The following ZNF407 variants were observed in gnomAD, a reference collection of about 807,000 sequenced individuals.
ZNF407 encodes the protein zinc finger protein 407.
In ZNF407, 17 loss-of-function variants were observed where a neutral mutation model predicts 131.2. The observed-to-expected ratio is 0.13, with a 90% CI of 0.09 to 0.19. The LOEUF (loss-of-function observed/expected upper bound fraction) is 0.19. Ranked by LOEUF, ZNF407 falls within the 10% of genes least tolerant of loss-of-function variation. The pLI, the probability that ZNF407 is intolerant of heterozygous loss-of-function variation, is 1.00. For missense variants in ZNF407, 2,681 were observed against 2,830.6 expected (o/e 0.95, Z 1.20); for synonymous variants, 1,156 against 1,062.0 (o/e 1.09, Z -1.72).
rs939876334 is a variant in ZNF407 at position 74,778,224 on chromosome 18, C to T, written c.4803-3204C>T. ...TGTCCTCCTCCTCACTTACCAGCCC[C>T]CAGGTTTATGCTCCCACATCACATC... On this transcript the variant is annotated intron_variant, in intron 3 of 8. Coordinates refer to ENST00000299687, the MANE Select transcript of ZNF407 (RefSeq NM_017757.3). 7.2e-5 allele frequency among the ~76,000 whole-genome samples: 11 copies of T among 152,104 alleles called. 1 individual carries two copies. In the South Asian group the frequency reaches 8.3e-4, roughly 11 times the overall value.
At chr18:74,761,852 A>G (rs1969103123) in intron 3 of ZNF407, among the ~76,000 whole-genome samples, 1 of 152,198 alleles carries the variant, frequency 6.6e-6, no homozygotes, top group Non-Finnish European at 1.5e-5. Context: ...ACAATACCAA[A>G]TAAAATGGGA....
chr18:74,676,640 T>C (rs566514827), intron 3 of ZNF407, among the ~76,000 whole-genome samples: 91 of 151,936 alleles, frequency 6.0e-4, no homozygotes, highest in Non-Finnish European at 9.4e-4. Context: ...TTCACCGTGT[T>C]AGCCAGGATG....
At position 74,889,067 on chromosome 18, in the gene ZNF407, G is replaced by C. The variant is rs544943171; in HGVS notation, c.5129-851G>C. Among the ~76,000 whole-genome samples, 3 of 152,256 alleles carry C rather than the reference G, an allele frequency of 2.0e-5. No homozygotes were observed. The South Asian group carries it at 6.2e-4, about 32-fold the overall frequency. ...TTTAGTTATACAGATACTTGTTACTGTGTTACAGTTGCCTACAGTATTTAG... is the reference window on the plus strand; with the variant it reads ...TTTAGTTATACAGATACTTGTTACTCTGTTACAGTTGCCTACAGTATTTAG... On this transcript the variant is annotated intron_variant, in intron 6 of 8. Transcript: ENST00000299687.
chr18:74,808,838 A>G (rs536447935), intron 4 of ZNF407, among the ~76,000 whole-genome samples: 11 of 152,346 alleles, frequency 7.2e-5, no homozygotes, highest in Non-Finnish European at 1.5e-5. Flanking sequence ...TACCCAATAA[A>G]AAAGCTAATG....
In ZNF407 at chr18:74,631,795, T is replaced by C; in HGVS notation, c.776T>C (p.Leu259Ser). Reference sequence around the variant, plus strand: ...TTTCAGTGTTCAGAAGAAAACTTGTTGAATGCACATTATCTTGGCAAAACA... The same window carrying C: ...TTTCAGTGTTCAGAAGAAAACTTGTCGAATGCACATTATCTTGGCAAAACA... Reference protein sequence around the residue: ...CGFQCSEENLLNAHYLGKTHL... With the variant: ...CGFQCSEENLSNAHYLGKTHL... Residue 259 changes from leucine (L) to serine (S), a missense_variant, in exon 2 of 9, where the codon TTG (leucine) becomes TCG (serine). By Grantham distance (145) the Leu-to-Ser change is moderately radical. Coordinates refer to ENST00000299687, the MANE Select transcript of ZNF407 (RefSeq NM_017757.3). 6.2e-7 allele frequency: 1 copy of C among 1,614,046 alleles called. No homozygotes were observed. Among genetic ancestry groups the C allele is most frequent in the African/African-American group, 1.3e-5 (1 of 75,054 alleles).
In ZNF407 at chr18:74,726,407, A is replaced by G. The variant is rs548349437; in HGVS notation, c.4803-55021A>G. Among the ~76,000 whole-genome samples, 6 of 152,368 alleles carry G rather than the reference A, an allele frequency of 3.9e-5. No individual in the cohort carries two copies. In the South Asian group the frequency reaches 1.2e-3, roughly 32 times the overall value. On this transcript the variant is annotated intron_variant, in intron 3 of 8. Transcript: ENST00000299687. ...TCATGAGAGCCAATAAGTTATGCCT[A>G]ATATACTATGCATGGAAGGAATAAC...
At chr18:74,896,688 C>G (rs545209419) in intron 7 of ZNF407, among the ~76,000 whole-genome samples, 58 of 152,306 alleles carry the variant, frequency 3.8e-4, no homozygotes, top group Non-Finnish European at 5.3e-4. Flanking sequence ...GTCATGATGA[C>G]ACTTTATACC....
intron 3 of ZNF407, among the ~76,000 whole-genome samples, chr18:74,730,780 T>A (rs1362971231): frequency 3.3e-5 from 5 of 152,206 alleles, no homozygotes; most frequent in African/African-American, 1.2e-4. Flanking sequence ...GAAAGAATGA[T>A]GTATTATATA....
At chr18:74,627,823 C>T (rs1219997882) in intron 1 of ZNF407, among the ~76,000 whole-genome samples, 3 of 147,566 alleles carry the variant, frequency 2.0e-5, no homozygotes, top group Non-Finnish European at 4.5e-5. Context: ...TCTGCCCTGC[C>T]CTGCCCTGCC....
chr18:74,874,133 T>C (rs895615001), intron 4 of ZNF407, among the ~76,000 whole-genome samples: 1 of 152,158 alleles, frequency 6.6e-6, no homozygotes, highest in African/African-American at 2.4e-5. Context: ...ACCTAAGAAC[T>C]GCAGATGGTA....
In ZNF407 at chr18:75,064,286, A is replaced by G. The variant is rs1406761127; in HGVS notation, c.6565A>G (p.Thr2189Ala). 1 of 1,604,276 alleles carries G rather than the reference A, an allele frequency of 6.2e-7. No individual in the cohort carries two copies. The highest frequency in any genetic ancestry group is 1.7e-5 in the Admixed American group (1 of 59,592). ...VQDEPGLYSH[T>A]VLETADSQEL... ...GGACGAGCCGGGCCTGTACTCCCAC[A>G]CCGTGCTGGAGACTGCGGACTCGCA... The change falls in exon 9 of 9, where the codon ACC becomes GCC. Residue 2189 changes from threonine (T) to alanine (A), a missense_variant. Thr to Ala is a moderately conservative substitution (Grantham distance 58, BLOSUM62 0). Around this residue, in one of 6 missense-constraint regions of ZNF407, gnomAD observed 620 missense variants for 583.1 expected, o/e 1.06. Coordinates refer to ENST00000299687, the MANE Select transcript of ZNF407 (RefSeq NM_017757.3).
chr18:74,651,354 A>G (rs755647486), intron 3 of ZNF407, among the ~76,000 whole-genome samples: 1 of 152,212 alleles, frequency 6.6e-6, no homozygotes, highest in African/African-American at 2.4e-5. Flanking sequence ...TTAAAATTGC[A>G]GTACTTGCTT....
chr18:74,708,682 C>A (rs1012622896), intron 3 of ZNF407, among the ~76,000 whole-genome samples: 1 of 152,214 alleles, frequency 6.6e-6, no homozygotes, highest in Non-Finnish European at 1.5e-5. Context: ...AGGTCCAAGT[C>A]AGGCCAGGAA....
intron 8 of ZNF407, among the ~76,000 whole-genome samples, chr18:75,052,733 G>A (rs149016898): frequency 5.3e-5 from 8 of 152,284 alleles, no homozygotes; most frequent in East Asian, 1.9e-4. Flanking sequence ...ACTTGTTCAC[G>A]TCACCATTCC....
rs117044929 is a variant in ZNF407, at chr18:74,802,036, C to T, written c.4877+20534C>T. Among the ~76,000 whole-genome samples the T allele has an allele frequency of 8.4e-4, 128 of 152,104 alleles. 3 individuals are homozygous for T. The East Asian group carries it at 0.02, about 23-fold the overall frequency. On this transcript the variant is annotated intron_variant, in intron 4 of 8. Transcript: ENST00000299687. ...GCTTAAACAAAATAGAACCAACATA[C>T]GTGAATATGAAGGATAAAATAAATA... is the stretch of plus-strand genomic sequence containing the variant.
chr18:74,647,620 T>C (rs1985032680), intron 3 of ZNF407, among the ~76,000 whole-genome samples: 1 of 152,230 alleles, frequency 6.6e-6, no homozygotes, highest in Admixed American at 6.5e-5. Flanking sequence ...GTGGGTACTT[T>C]TGCTGTTTCT....
intron 8 of ZNF407, among the ~76,000 whole-genome samples, chr18:75,035,999 G>A (rs1568307801): frequency 6.6e-6 from 1 of 152,228 alleles, no homozygotes; most frequent in Non-Finnish European, 1.5e-5. Context: ...AGAGGTGGGC[G>A]AAGCCACAAC....
At chr18:74,779,410 G>A (rs996346378) in intron 3 of ZNF407, among the ~76,000 whole-genome samples, 3 of 151,636 alleles carry the variant, frequency 2.0e-5, no homozygotes, top group African/African-American at 4.8e-5. Flanking sequence ...CACCGCGCCC[G>A]GTCAGCTTAT....
chr18:74,958,829 A>G (rs1450361021), intron 8 of ZNF407, among the ~76,000 whole-genome samples: 1 of 152,112 alleles, frequency 6.6e-6, no homozygotes, highest in African/African-American at 2.4e-5. Context: ...GTTCCTCATC[A>G]TTTTCAGTGA....
Sources: gnomAD v4.1 joint callset for allele counts (sites outside exome capture counted in the v4.1 genomes callset) on GRCh38, gnomAD v4.1.1 for gene constraint, gnomAD v4.1.1 regional missense constraint, MANE v1.5 for transcripts, NCBI Gene and HGNC (gene_info 2026-07-23, HGNC 2026-07-21) for gene names.